Variants in RAPGEF5 observed in about 807,000 individuals in gnomAD.
RAPGEF5 encodes the protein M-Ras-regulated GEF.
A neutral mutation model predicts 125.2 loss-of-function variants in RAPGEF5; 65 were observed. The ratio of observed to expected loss-of-function variants is 0.52; its 90% CI spans 0.43 to 0.64. The LOEUF is 0.64. RAPGEF5 is among the 30% of genes least tolerant of loss of function. RAPGEF5 has a pLI of 0.00. For missense variants in RAPGEF5, 958 were observed against 1,048.1 expected (o/e 0.91, Z 1.19); for synonymous variants, 391 against 385.9 (o/e 1.01, Z -0.16).
chr7:22,337,609 G>A (rs1784050069), intron 1 of RAPGEF5, among the ~76,000 whole-genome samples: 1 of 152,214 alleles, frequency 6.6e-6, no homozygotes, highest in South Asian at 2.1e-4. Flanking sequence ...TTCTCCCAAA[G>A]TTAGCTTGGC....
chr7:22,284,357 T>C (rs1320284099), intron 6 of RAPGEF5, among the ~76,000 whole-genome samples: 1 of 152,150 alleles, frequency 6.6e-6, no homozygotes, highest in Non-Finnish European at 1.5e-5. Context: ...TGAGGACAGA[T>C]TGAAACACAA....
chr7:22,154,330 A>G, intron 17 of RAPGEF5, 125 bp downstream of exon 17: 1 of 1,089,326 alleles, frequency 9.2e-7, no homozygotes, highest in Non-Finnish European at 1.3e-6. Context: ...TCTTATTGTT[A>G]CTGTGGTCAT....
In RAPGEF5 at chr7:22,162,844, T is replaced by C. The variant is rs41273963; in HGVS notation, c.1284-303A>G. The C allele has an allele frequency of 2.3e-3, 1,123 of 481,624 alleles. 13 individuals are homozygous for C. Among genetic ancestry groups the C allele is most frequent in the African/African-American group, 0.02 (1,024 of 51,106 alleles). 29.8% of individuals were successfully genotyped at this position (481,624 alleles called of 1,614,324 possible). ...GCCAGCCCAAGGAGATACTAGGTGG[T>C]CCATTAATTTCAACAGTGACTCTAA... On this transcript the variant is annotated intron_variant, in intron 12 of 25. Transcript: ENST00000665637.
chr7:22,181,951 G>C (rs1292768577), intron 11 of RAPGEF5, among the ~76,000 whole-genome samples: 1 of 152,172 alleles, frequency 6.6e-6, no homozygotes, highest in South Asian at 2.1e-4. Context: ...ATGTGGGCTT[G>C]TCAGAGCAAT....
At chr7:22,304,399 C>T (rs1783283258) in intron 5 of RAPGEF5, among the ~76,000 whole-genome samples, 1 of 152,118 alleles carries the variant, frequency 6.6e-6, no homozygotes, top group African/African-American at 2.4e-5. Flanking sequence ...AACTCCAGAG[C>T]CTAAGATTTG....
intron 1 of RAPGEF5, among the ~76,000 whole-genome samples, chr7:22,355,242 A>C (rs949742416): frequency 2.0e-5 from 3 of 152,224 alleles, no homozygotes; most frequent in Non-Finnish European, 2.9e-5. Context: ...AAATAAAACT[A>C]AATAGGTATA....
At chr7:22,301,001 G>A (rs927002688) in intron 5 of RAPGEF5, among the ~76,000 whole-genome samples, 10 of 152,158 alleles carry the variant, frequency 6.6e-5, no homozygotes, top group East Asian at 1.9e-4. Flanking sequence ...TTGAGGCAAC[G>A]CTGGGAAATA....
intron 7 of RAPGEF5, among the ~76,000 whole-genome samples, chr7:22,256,432 C>T (rs1786762581): frequency 6.6e-6 from 1 of 152,154 alleles, no homozygotes; most frequent in African/African-American, 2.4e-5. Flanking sequence ...GAAGGAATCA[C>T]TGAGGTTACC....
In RAPGEF5 at chr7:22,216,188, T is replaced by G. The variant is rs183137236; in HGVS notation, c.996+3678A>C. ...CTATGGTAGCTTTCTAAAGGTTCTT[T>G]CCAACATTTCCCTCTTCTTCACTCA... On this transcript the variant is annotated intron_variant, in intron 9 of 25. Coordinates refer to ENST00000665637, the MANE Select transcript of RAPGEF5 (RefSeq NM_012294.5). 6.6e-4 allele frequency among the ~76,000 whole-genome samples: 100 copies of G among 152,290 alleles called. 1 individual carries two copies. The South Asian group carries it at 7.3e-3, about 11-fold the overall frequency.
At position 22,145,248 on chromosome 7, in the gene RAPGEF5, G is replaced by A. The variant is rs558374039; in HGVS notation, c.2008-26C>T. On this transcript the variant is annotated intron_variant, in intron 19 of 25. Coordinates refer to ENST00000665637, the MANE Select transcript of RAPGEF5 (RefSeq NM_012294.5). ...CTGAAAGAAAATGTATTCATGCCAG[G>A]GTTTATTTATAGCAAAGTATGGTTG... is the stretch of plus-strand genomic sequence containing the variant. The A allele has an allele frequency of 5.1e-6, 8 of 1,583,142 alleles. No homozygotes were observed. In the South Asian group the frequency reaches 5.8e-5, roughly 11 times the overall value.
intron 24 of RAPGEF5, among the ~76,000 whole-genome samples, chr7:22,126,366 C>T (rs1782745534): frequency 6.6e-6 from 1 of 152,178 alleles, no homozygotes; most frequent in African/African-American, 2.4e-5. Context: ...CTCAACATCC[C>T]CACTGCTCTT....
intron 7 of RAPGEF5, among the ~76,000 whole-genome samples, chr7:22,244,343 A>G (rs966607996): frequency 6.6e-6 from 1 of 152,142 alleles, no homozygotes; most frequent in East Asian, 1.9e-4. Context: ...GTGCTGATCC[A>G]TGGCCTGTTA....
intron 23 of RAPGEF5, among the ~76,000 whole-genome samples, chr7:22,135,484 G>A (rs1202227898): frequency 6.6e-6 from 1 of 152,172 alleles, no homozygotes. Context: ...GCTTAGTGGG[G>A]AGTGGTCAGT....
At chr7:22,231,385 T>C (rs1786052447) in intron 7 of RAPGEF5, among the ~76,000 whole-genome samples, 1 of 152,090 alleles carries the variant, frequency 6.6e-6, no homozygotes, top group African/African-American at 2.4e-5. Context: ...TATTGTGGAG[T>C]CTTGAATCCG....
At chr7:22,152,167 G>A (rs1199462954) in intron 17 of RAPGEF5, among the ~76,000 whole-genome samples, 1 of 152,206 alleles carries the variant, frequency 6.6e-6, no homozygotes, top group South Asian at 2.1e-4. Context: ...TCTGTTTAAT[G>A]CAGAGTATAC....
chr7:22,239,882 T>C lies in RAPGEF5; in HGVS notation c.797-8963A>G, dbSNP rs558781444. 9.2e-5 allele frequency among the ~76,000 whole-genome samples: 14 copies of C among 152,252 alleles called. No individual in the cohort carries two copies. In the East Asian group the frequency reaches 2.7e-3, roughly 29 times the overall value. ...TAATTGATACCAGTAGCCCGTTTCA[T>C]TGCCATTCTTATAAGGAAATGTACT... is the stretch of plus-strand genomic sequence containing the variant. On this transcript the variant is annotated intron_variant, in intron 7 of 25. Coordinates refer to ENST00000665637, the MANE Select transcript of RAPGEF5 (RefSeq NM_012294.5).
intron 7 of RAPGEF5, among the ~76,000 whole-genome samples, chr7:22,251,958 C>T (rs1786634496): frequency 6.6e-6 from 1 of 151,970 alleles, no homozygotes; most frequent in Non-Finnish European, 1.5e-5. Context: ...ACCTTGGGTA[C>T]AGAACTAATA....
At chr7:22,272,429 G>T (rs1017342079) in intron 6 of RAPGEF5, among the ~76,000 whole-genome samples, 1 of 107,886 alleles carries the variant, frequency 9.3e-6, no homozygotes, top group East Asian at 2.9e-4. Flanking sequence ...TATTAGCAAA[G>T]GTCTTAGTTA....
At chr7:22,195,861 T>C (rs1185514562) in intron 9 of RAPGEF5, among the ~76,000 whole-genome samples, 1 of 152,242 alleles carries the variant, frequency 6.6e-6, no homozygotes, top group African/African-American at 2.4e-5. Flanking sequence ...CCTTTAATCA[T>C]GCGCCAATAC....
Sources: allele counts gnomAD v4.1 joint callset (sites outside exome capture counted in the v4.1 genomes callset), GRCh38; gene constraint gnomAD v4.1.1; transcripts MANE v1.5; gene names NCBI Gene and HGNC (gene_info 2026-07-23, HGNC 2026-07-21).